Variants in ZBTB21 observed in about 807,000 individuals in gnomAD.
ZBTB21 encodes zinc finger and BTB domain-containing protein 21.
Under a neutral mutation model 39.8 loss-of-function variants are expected in ZBTB21, and 10 were observed. The observed-to-expected ratio is 0.25, with a 90% CI of 0.16 to 0.43. ZBTB21 has a LOEUF of 0.43. Ranked by LOEUF, ZBTB21 falls within the 20% of genes least tolerant of loss-of-function variation. The pLI is 1.00. For missense variants in ZBTB21, 1,221 were observed against 1,296.3 expected (o/e 0.94, Z 0.89); for synonymous variants, 551 against 498.8 (o/e 1.10, Z -1.40).
intron 1 of ZBTB21, among the ~76,000 whole-genome samples, chr21:42,008,342 C>CAAAAAAAAAAAA (rs767411984): frequency 1.3e-4 from 7 of 54,292 alleles, no homozygotes; most frequent in Admixed American, 2.8e-4. Context: ...CCCGTCTCTA[C>CAAAAAAAAAAAA]AAAAAAAAAA....
At chr21:42,000,785 A>C (rs2065807988) in intron 2 of ZBTB21, among the ~76,000 whole-genome samples, 1 of 152,198 alleles carries the variant, frequency 6.6e-6, no homozygotes, top group Non-Finnish European at 1.5e-5. Flanking sequence ...TAAGAGAAAT[A>C]CTCACTGTCC....
In ZBTB21 at chr21:41,992,809, T is replaced by G. The variant is rs774742814; in HGVS notation, c.1287A>C (p.Ile429=). The G allele has an allele frequency of 1.2e-6, 2 of 1,614,126 alleles. No individual in the cohort carries two copies. Among genetic ancestry groups the G allele is most frequent in the Admixed American group, 1.7e-5 (1 of 60,032 alleles). The change falls in exon 3 of 3, where the codon ATA becomes ATC. Residue 429 remains isoleucine (I), a synonymous_variant. Transcript: ENST00000310826. This position sits in a 1 kb window ranked among gnomAD's most constrained non-coding sequence, Gnocchi z 4.1. ...ACAGCGGGCTGCTGGGCTCAGTCTT[T>G]ATGCGCACCTCAGTCACAGGGGAAG... ...EGASPVTEVR[I]KTEPSSPLSD...
chr21:41,991,509 A>G lies in ZBTB21; in HGVS notation c.2587T>C (p.Cys863Arg). 2 of 1,614,230 alleles carry G rather than the reference A, an allele frequency of 1.2e-6. No homozygotes were observed. Among genetic ancestry groups the G allele is most frequent in the Non-Finnish European group, 8.5e-7 (1 of 1,180,042 alleles). ...QVNFDSEDSSCLPEDLSLSKQ... is the reference protein window; with the variant it reads ...QVNFDSEDSSRLPEDLSLSKQ... ...GAAAGACTAAGGTCTTCGGGAAGACAAGAGGAATCTTCCGAGTCGAAGTTA... is the reference window on the plus strand; with the variant it reads ...GAAAGACTAAGGTCTTCGGGAAGACGAGAGGAATCTTCCGAGTCGAAGTTA... The change falls in exon 3 of 3, where the codon TGT becomes CGT. Residue 863 changes from cysteine (C) to arginine (R), a missense_variant. By Grantham distance (180) the Cys-to-Arg change is radical. Coordinates refer to ENST00000310826, the MANE Select transcript of ZBTB21 (RefSeq NM_001098402.2). The surrounding 1 kb of genome is among the most constrained non-coding windows in gnomAD (Gnocchi z 4.9).
intron 1 of ZBTB21, among the ~76,000 whole-genome samples, chr21:42,006,163 C>T (rs955991870): frequency 6.6e-6 from 1 of 152,154 alleles, no homozygotes. Context: ...GCCTGTAATC[C>T]CAGCACTTTG....
intron 1 of ZBTB21, among the ~76,000 whole-genome samples, chr21:42,009,880 C>A (rs1036460021): frequency 1.1e-4 from 16 of 152,202 alleles, no homozygotes; most frequent in Admixed American, 6.5e-5. Context: ...GGCGTTTCAA[C>A]CGCTCCGCGC....
chr21:41,990,898 A>T lies in ZBTB21; in HGVS notation c.3198T>A (p.Asn1066Lys), dbSNP rs766552756. Reference sequence around the variant, plus strand: ...ATAGGTAAAAAGTGTTGGTCTTTCAATTGTGTGTTTGTTCGTGACTCCAAA... The same window carrying T: ...ATAGGTAAAAAGTGTTGGTCTTTCATTTGTGTGTTTGTTCGTGACTCCAAA... ...FSLWSHEQTHN is the reference protein window; with the variant it reads ...FSLWSHEQTHK Residue 1066 changes from asparagine (N) to lysine (K), a missense_variant, in exon 3 of 3, where the codon AAT becomes AAA. Physicochemically the swap from Asn to Lys is moderately conservative, Grantham distance 94 (BLOSUM62 0). Coordinates refer to ENST00000310826, the MANE Select transcript of ZBTB21 (RefSeq NM_001098402.2). 7 of 1,461,520 alleles carry T rather than the reference A, an allele frequency of 4.8e-6. No homozygotes were observed. The highest frequency in any genetic ancestry group is 6.3e-6 in the Non-Finnish European group (7 of 1,107,238). 90.5% of individuals were successfully genotyped at this position (1,461,520 alleles called of 1,614,324 possible). A position where few individuals can be genotyped will look rare whatever the true frequency, so the allele number is the denominator to read the frequency against.
chr21:41,989,055 T>C lies in ZBTB21; in HGVS notation c.*1840A>G, dbSNP rs2065615969. On this transcript the variant is annotated 3_prime_UTR_variant, in exon 3 of 3. Coordinates refer to ENST00000310826, the MANE Select transcript of ZBTB21 (RefSeq NM_001098402.2). Reference sequence around the variant, plus strand: ...CATGTAAACCCATATGCTTTAGTTTTATCCTTAAAATGCATAGATTTCTTT... The same window carrying C: ...CATGTAAACCCATATGCTTTAGTTTCATCCTTAAAATGCATAGATTTCTTT... The C allele has an allele frequency of 6.6e-6, 1 of 152,194 alleles. No individual in the cohort carries two copies. Among genetic ancestry groups the C allele is most frequent in the African/African-American group, 2.4e-5 (1 of 41,468 alleles). The allele number at this position is 152,194 out of a possible 1,614,324, so 9.4% of individuals were successfully genotyped here.
rs146221558 is a variant in ZBTB21, at chr21:42,007,189, G to A, written c.-79+3063C>T. ...ACTGATAATCTATTTAATATCTTTT[G>A]GCATTATCAATGCTCAACATGTTAT... On this transcript the variant is annotated intron_variant, in intron 1 of 2. Transcript: ENST00000310826. 2.3e-3 allele frequency among the ~76,000 whole-genome samples: 354 copies of A among 152,148 alleles called. 2 individuals carry two copies. Among genetic ancestry groups the A allele is most frequent in the African/African-American group, 8.1e-3 (335 of 41,494 alleles).
rs759203459 is a variant in ZBTB21 at position 41,993,326 on chromosome 21, C to A, written c.770G>T (p.Gly257Val). Residue 257 changes from glycine to valine, a missense_variant, in exon 3 of 3, where the codon GGT becomes GTT. Around this residue, in one of 4 missense-constraint regions of ZBTB21, gnomAD observed 500 missense variants for 465.6 expected, o/e 1.07. Coordinates refer to ENST00000310826, the MANE Select transcript of ZBTB21 (RefSeq NM_001098402.2). The part of the protein sequence containing the change: ...QDREAMDDKP[G>V]VSGQLPKGKA... The stretch of plus-strand genomic sequence containing the variant: ...TCCTTTTGGAAGCTGACCACTCACA[C>A]CTGGTTTATCATCCATAGCTTCTCT... 1 of 1,613,580 alleles carries A rather than the reference C, an allele frequency of 6.2e-7. No homozygotes were observed. The highest frequency in any genetic ancestry group is 1.1e-5 in the South Asian group (1 of 91,018).
In ZBTB21 at chr21:41,992,743, C is replaced by T. The variant is rs569530747; in HGVS notation, c.1353G>A (p.Ala451=). The stretch of plus-strand genomic sequence containing the variant: ...AAGATGAGGCAGCTGCTGTTGTTGC[C>T]GCATCTCCCACAGTGACGCGGATGA... ...SDIIRVTVGD[A]ATTAAASSSS... The change falls in exon 3 of 3, where the codon GCG becomes GCA. Residue 451 remains alanine (A), a synonymous_variant. Coordinates refer to ENST00000310826, the MANE Select transcript of ZBTB21 (RefSeq NM_001098402.2). This position sits in a 1 kb window ranked among gnomAD's most constrained non-coding sequence, Gnocchi z 4.1. 51 of 1,614,102 alleles carry T rather than the reference C, an allele frequency of 3.2e-5. No individual in the cohort carries two copies. Among genetic ancestry groups the T allele is most frequent in the Middle Eastern group, 1.7e-4 (1 of 6,060 alleles).
At chr21:41,998,679 G>A (rs1263149840) in intron 2 of ZBTB21, among the ~76,000 whole-genome samples, 1 of 152,112 alleles carries the variant, frequency 6.6e-6, no homozygotes, top group African/African-American at 2.4e-5. Flanking sequence ...GGTTACCCCA[G>A]CCACCAGGCT....
intron 1 of ZBTB21, among the ~76,000 whole-genome samples, chr21:42,009,759 G>A (rs953119333): frequency 6.6e-6 from 1 of 151,968 alleles, no homozygotes; most frequent in Non-Finnish European, 1.5e-5. Flanking sequence ...GGCGGGTCGC[G>A]GCAGGTGCGG....
In ZBTB21 at chr21:41,994,032, C is replaced by CA. The variant is rs1425271206; in HGVS notation, c.63dup (p.Glu22Ter). ...CACAGCTGTCCTTTGAGACGCTCCT[C>CA]ATTCAGGGCACTTAGGAGAGAAATG... On this transcript the variant is annotated frameshift_variant, in exon 3 of 3. Coordinates refer to ENST00000310826, the MANE Select transcript of ZBTB21 (RefSeq NM_001098402.2). LOFTEE classifies it low-confidence loss of function (END_TRUNC). The CA allele has an allele frequency of 6.2e-7, 1 of 1,614,116 alleles. No homozygotes were observed. Among genetic ancestry groups the CA allele is most frequent in the Non-Finnish European group, 8.5e-7 (1 of 1,179,996 alleles).
chr21:42,008,342 C>CAAAAAAAAAAAAA (rs767411984), intron 1 of ZBTB21, among the ~76,000 whole-genome samples: 2 of 54,308 alleles, frequency 3.7e-5, no homozygotes, highest in African/African-American at 7.4e-5. Context: ...CCCGTCTCTA[C>CAAAAAAAAAAAAA]AAAAAAAAAA....
At chr21:41,998,960 A>G (rs1426495873) in intron 2 of ZBTB21, among the ~76,000 whole-genome samples, 4 of 152,258 alleles carry the variant, frequency 2.6e-5, no homozygotes, top group African/African-American at 9.6e-5. Context: ...TCTATTTGTG[A>G]CTACTTGATA....
intron 1 of ZBTB21, among the ~76,000 whole-genome samples, chr21:42,008,556 A>G (rs1435094727): frequency 2.2e-4 from 29 of 131,256 alleles, no homozygotes; most frequent in Non-Finnish European, 3.9e-4. Context: ...AAAAAAAAAA[A>G]AAAAAAGAAA....
At chr21:42,009,014 C>T (rs1162818038) in intron 1 of ZBTB21, among the ~76,000 whole-genome samples, 1 of 152,110 alleles carries the variant, frequency 6.6e-6, no homozygotes, top group Non-Finnish European at 1.5e-5. Flanking sequence ...GGTATGAGGA[C>T]CGTAATGTAA....
Position 41,992,174 on chromosome 21 carries a change from C to A in ZBTB21, c.1922G>T (p.Arg641Leu). The A allele has an allele frequency of 6.2e-7, 1 of 1,614,162 alleles. No homozygotes were observed. The highest frequency in any genetic ancestry group is 8.5e-7 in the Non-Finnish European group (1 of 1,180,030). Reference protein sequence around the residue: ...IKKALIIKLRRGKPGFQGQSS... With the variant: ...IKKALIIKLRLGKPGFQGQSS... ...CTGTCCCTGAAAACCAGGCTTGCCG[C>A]GCCTTAACTTAATGATCAGGGCCTT... is the stretch of plus-strand genomic sequence containing the variant. The change falls in exon 3 of 3, where the codon CGC becomes CTC. Residue 641 changes from arginine to leucine, a missense_variant. Coordinates refer to ENST00000310826, the MANE Select transcript of ZBTB21 (RefSeq NM_001098402.2). The surrounding 1 kb of genome is among the most constrained non-coding windows in gnomAD (Gnocchi z 4.1).
chr21:42,004,214 G>A (rs1436120344), intron 1 of ZBTB21, among the ~76,000 whole-genome samples: 2 of 152,024 alleles, frequency 1.3e-5, no homozygotes, highest in South Asian at 2.1e-4. Context: ...TGGTCAGGCC[G>A]GTCTCGAACT....
Sources: gnomAD v4.1 joint callset for allele counts (sites outside exome capture counted in the v4.1 genomes callset) on GRCh38, gnomAD v4.1.1 for gene constraint, gnomAD v4.1.1 regional missense constraint, Gnocchi (gnomAD v3.1) non-coding constraint, MANE v1.5 for transcripts, NCBI Gene and HGNC (gene_info 2026-07-23, HGNC 2026-07-21) for gene names.